The following TANC2 variants were observed in gnomAD, a reference collection of about 807,000 sequenced individuals.
TANC2 encodes the protein tetratricopeptide repeat, ankyrin repeat and coiled-coil containing 2, also known as protein TANC2.
A neutral mutation model predicts 210.5 loss-of-function variants in TANC2; 26 were observed. The ratio of observed to expected loss-of-function variants is 0.12; its 90% confidence interval spans 0.09 to 0.17. TANC2 has a LOEUF of 0.17. Ranked by LOEUF, TANC2 falls within the 10% of genes least tolerant of loss-of-function variation. TANC2 has a pLI of 1.00. For missense variants in TANC2, 2,129 were observed against 2,608.9 expected, an observed-to-expected ratio of 0.82 and a Z score of 4.01; for synonymous variants, 931 against 967.1, an observed-to-expected ratio of 0.96 and a Z score of 0.69.
At chr17:63,242,344 A>C (rs2042796730) in intron 8 of TANC2, among the ~76,000 whole-genome samples, 1 of 152,066 alleles carries the variant, frequency 6.6e-6, no homozygotes, top group African/African-American at 2.4e-5. Flanking sequence ...CTCTACACCT[A>C]ATATCTCTCT....
intron 15 of TANC2, among the ~76,000 whole-genome samples, chr17:63,382,929 C>T (rs1416070996): frequency 1.3e-5 from 2 of 152,178 alleles, no homozygotes; most frequent in Non-Finnish European, 2.9e-5. Context: ...TGATTTTCAA[C>T]TCTGGCTATA....
chr17:63,349,851 T>G (rs2046541188), intron 12 of TANC2, among the ~76,000 whole-genome samples: 1 of 152,208 alleles, frequency 6.6e-6, no homozygotes, highest in Non-Finnish European at 1.5e-5. Context: ...CAACTCCTCT[T>G]TCTTCCTTAA....
intron 2 of TANC2, among the ~76,000 whole-genome samples, chr17:63,020,247 A>G (rs1175607772): frequency 6.6e-6 from 1 of 152,138 alleles, no homozygotes; most frequent in Non-Finnish European, 1.5e-5. Flanking sequence ...TCCTCTTAAC[A>G]GGGCTTTTTA....
At position 63,175,254 on chromosome 17, in the gene TANC2, C is replaced by T. The variant is rs199669766; in HGVS notation, c.434-18737C>T. ...AATTAAGTGGAGAAATGGACATTGA[C>T]CCTTACCTCATACCATACACAAAAG... On this transcript the variant is annotated intron_variant, in intron 5 of 27. Transcript: ENST00000689528. Among the ~76,000 whole-genome samples, 5 of 152,044 alleles carry T rather than the reference C, an allele frequency of 3.3e-5. No homozygotes were observed. In the East Asian group the frequency reaches 9.6e-4, roughly 29 times the overall value.
intron 1 of TANC2, among the ~76,000 whole-genome samples, chr17:62,987,753 C>T (rs1436172962): frequency 6.6e-6 from 1 of 152,124 alleles, no homozygotes; most frequent in Non-Finnish European, 1.5e-5. Context: ...ACATTCCAGT[C>T]AAATCTTAGC....
At chr17:63,304,888 G>C (rs1204323201) in intron 9 of TANC2, among the ~76,000 whole-genome samples, 1 of 152,250 alleles carries the variant, frequency 6.6e-6, no homozygotes, top group Admixed American at 6.5e-5. Context: ...GTGTTCAGCT[G>C]TGAAGGACAC....
chr17:63,030,849 A>G (rs2034740054), intron 2 of TANC2, among the ~76,000 whole-genome samples: 1 of 152,052 alleles, frequency 6.6e-6, no homozygotes, highest in African/African-American at 2.4e-5. Context: ...TAATCTTAAA[A>G]ATTAGCAGTC....
At chr17:63,049,283 A>G (rs976607528) in intron 2 of TANC2, among the ~76,000 whole-genome samples, 2 of 152,198 alleles carry the variant, frequency 1.3e-5, no homozygotes, top group Non-Finnish European at 2.9e-5. Flanking sequence ...ATTAAGATGA[A>G]TAGGTAAAAC....
At chr17:63,263,246 A>T (rs1250578980) in intron 8 of TANC2, among the ~76,000 whole-genome samples, 1 of 152,168 alleles carries the variant, frequency 6.6e-6, no homozygotes, top group East Asian at 1.9e-4. Flanking sequence ...CCTGCCAAGA[A>T]ATCTTTTAAA....
chr17:63,315,518 A>G (rs1442839238), intron 10 of TANC2, among the ~76,000 whole-genome samples: 1 of 152,218 alleles, frequency 6.6e-6, no homozygotes, highest in Non-Finnish European at 1.5e-5. Flanking sequence ...ATAGAAATGT[A>G]TCAGTATTCT....
In TANC2 at chr17:63,107,628, G is replaced by A. The variant is rs922783600; in HGVS notation, c.322+8271G>A. Reference sequence around the variant, plus strand: ...TGGATAAATAAAAAGTGATATATTCGTATTATTTGGCATTAAAAATAAATG... The same window carrying A: ...TGGATAAATAAAAAGTGATATATTCATATTATTTGGCATTAAAAATAAATG... On this transcript the variant is annotated intron_variant, in intron 4 of 27. Coordinates refer to ENST00000689528, the Ensembl canonical transcript of TANC2. 1.1e-4 allele frequency among the ~76,000 whole-genome samples: 17 copies of A among 151,638 alleles called. No individual in the cohort carries two copies. The East Asian group carries it at 1.3e-3, about 12-fold the overall frequency.
At position 63,327,065 on chromosome 17, in the gene TANC2, G is replaced by A. The variant is rs1250054504; in HGVS notation, c.1575+7975G>A. Among the ~76,000 whole-genome samples, 9 of 152,224 alleles carry A rather than the reference G, an allele frequency of 5.9e-5. No individual in the cohort carries two copies. In the South Asian group the frequency reaches 1.2e-3, roughly 21 times the overall value. On this transcript the variant is annotated intron_variant, in intron 11 of 27. Coordinates refer to ENST00000689528, the Ensembl canonical transcript of TANC2. The stretch of plus-strand genomic sequence containing the variant: ...CAACCTGATTAAAAAAATGGGCAAA[G>A]GACCTGAACAGACATTTCTCAAAAG...
chr17:63,119,947 G>A (rs548744393), intron 4 of TANC2, among the ~76,000 whole-genome samples: 12 of 152,098 alleles, frequency 7.9e-5, no homozygotes, highest in Non-Finnish European at 1.5e-4. Flanking sequence ...CTAAGCCTGG[G>A]AGGTTGAGGC....
At chr17:63,174,055 G>A (rs1413502094) in intron 5 of TANC2, among the ~76,000 whole-genome samples, 1 of 152,150 alleles carries the variant, frequency 6.6e-6, no homozygotes, top group Non-Finnish European at 1.5e-5. Flanking sequence ...TCTTTTGTTG[G>A]TACCTTATGA....
In TANC2 at chr17:63,299,046, G is replaced by T. The variant is rs1192638290; in HGVS notation, c.1160-15342G>T. ...TGTTTGGTTTTCTGTTCCTGTGTTA[G>T]TTTACTGAGGATGATGTCTTCCAGC... On this transcript the variant is annotated intron_variant, in intron 9 of 27. Coordinates refer to ENST00000689528, the Ensembl canonical transcript of TANC2. Among the ~76,000 whole-genome samples the T allele has an allele frequency of 2.0e-5, 3 of 152,198 alleles. No individual in the cohort carries two copies. The East Asian group carries it at 5.8e-4, about 29-fold the overall frequency.
intron 9 of TANC2, among the ~76,000 whole-genome samples, chr17:63,302,903 A>G (rs1237943711): frequency 6.6e-6 from 1 of 151,906 alleles, no homozygotes; most frequent in Non-Finnish European, 1.5e-5. Context: ...AGCTAGGATT[A>G]CAGGCATGCG....
At chr17:63,395,766 G>C (rs1342905653) in exon 18 of TANC2, 2 of 1,613,350 alleles carry the variant, frequency 1.2e-6, no homozygotes, top group Admixed American at 1.7e-5. Flanking sequence ...ATAAGAACGG[G>C]CAGTGTGCTT....
At chr17:63,414,866 A>T (rs911423485) in intron 25 of TANC2, among the ~76,000 whole-genome samples, 1 of 152,214 alleles carries the variant, frequency 6.6e-6, no homozygotes, top group African/African-American at 2.4e-5. Flanking sequence ...AGATCTCTAA[A>T]TTGGTCATAG....
intron 2 of TANC2, among the ~76,000 whole-genome samples, chr17:63,070,346 G>T (rs2036352276): frequency 6.6e-6 from 1 of 152,140 alleles, no homozygotes; most frequent in Admixed American, 6.6e-5. Context: ...CATTCATTTG[G>T]GGTGGTTTTT....
Sources: allele counts gnomAD v4.1 joint callset (sites outside exome capture counted in the v4.1 genomes callset), GRCh38; gene constraint gnomAD v4.1.1; transcripts MANE v1.5; gene names NCBI Gene and HGNC (gene_info 2026-07-23, HGNC 2026-07-21).